ANXA3: variants seen among roughly 807,000 people sequenced by gnomAD.
ANXA3 encodes the protein 35-alpha calcimedin.
ANXA3 carries 46 observed loss-of-function variants against 48.8 expected under a neutral mutation model. The ratio of observed to expected loss-of-function variants is 0.94; its 90% CI spans 0.74 to 1.21. The LOEUF is 1.21. Ranked by LOEUF, ANXA3 falls within the 50% of genes most tolerant of loss-of-function variation. The probability of loss-of-function intolerance (pLI) is 0.00; values close to 1 mark genes in which losing one functional copy is unlikely to be tolerated. For missense variants in ANXA3, 383 were observed against 378.6 expected (o/e 1.01, Z -0.10); for synonymous variants, 128 against 134.7 (o/e 0.95, Z 0.35).
intron 2 of ANXA3, among the ~76,000 whole-genome samples, 198 bp downstream of exon 2, chr4:78,554,686 C>T (rs1420190629): frequency 6.6e-6 from 1 of 152,028 alleles, no homozygotes; most frequent in Non-Finnish European, 1.5e-5. Flanking sequence ...GTTAAAATAA[C>T]TTATGATGAC....
At chr4:78,593,113 C>CCCCA (rs71661180) in intron 7 of ANXA3, among the ~76,000 whole-genome samples, 7 of 143,934 alleles carry the variant, frequency 4.9e-5, no homozygotes, top group Admixed American at 6.9e-5. Context: ...AACACACATA[C>CCCCA]CACACACACA....
At chr4:78,552,928 G>A (rs1047820785) in intron 1 of ANXA3, among the ~76,000 whole-genome samples, 14 of 152,228 alleles carry the variant, frequency 9.2e-5, no homozygotes, top group Admixed American at 8.5e-4. Flanking sequence ...AACCGTAGAG[G>A]AGGAAGTAAA....
chr4:78,554,870 A>G (rs1307494573), intron 2 of ANXA3, among the ~76,000 whole-genome samples: 1 of 152,204 alleles, frequency 6.6e-6, no homozygotes, highest in Non-Finnish European at 1.5e-5. Flanking sequence ...TCCTTACAAT[A>G]AAATAACTTC....
Position 78,556,141 on chromosome 4 carries a change from G to A in ANXA3, c.15+1653G>A, listed in dbSNP as rs79057625. Among the ~76,000 whole-genome samples the A allele has an allele frequency of 4.2e-3, 636 of 152,136 alleles. 6 individuals carry two copies. The highest frequency in any genetic ancestry group is 0.015 in the African/African-American group (605 of 41,516). Reference sequence around the variant, plus strand: ...ACTTGCATAAGGTTGAAAAAATAGGGGCCCAAGTACATTTGTTTGTATTAA... The same window carrying A: ...ACTTGCATAAGGTTGAAAAAATAGGAGCCCAAGTACATTTGTTTGTATTAA... On this transcript the variant is annotated intron_variant, in intron 2 of 12. Transcript: ENST00000264908.
At chr4:78,585,260 A>G (rs1350921492) in intron 5 of ANXA3, among the ~76,000 whole-genome samples, 1 of 152,232 alleles carries the variant, frequency 6.6e-6, no homozygotes, top group East Asian at 1.9e-4. Flanking sequence ...TCTTTTACAT[A>G]AAAGAAATCC....
At chr4:78,579,959 G>T (rs1299825020) in intron 4 of ANXA3, among the ~76,000 whole-genome samples, 1 of 152,152 alleles carries the variant, frequency 6.6e-6, no homozygotes, top group Non-Finnish European at 1.5e-5. Flanking sequence ...GTAAAAGTAA[G>T]ACTTGGTCTT....
intron 2 of ANXA3, among the ~76,000 whole-genome samples, chr4:78,556,774 A>G (rs554214506): frequency 6.6e-6 from 1 of 152,298 alleles, no homozygotes; most frequent in East Asian, 1.9e-4. Context: ...GTTAAAAAAA[A>G]AAGTCGCCCT....
intron 11 of ANXA3, chr4:78,602,656 T>C (rs1723567848): frequency 6.6e-6 from 1 of 152,244 alleles, no homozygotes; most frequent in African/African-American, 2.4e-5. Context: ...CCTAGGGCCT[T>C]GTGCACAGAA....
At chr4:78,561,916 A>G (rs995554376) in intron 2 of ANXA3, among the ~76,000 whole-genome samples, 2 of 152,212 alleles carry the variant, frequency 1.3e-5, no homozygotes, top group African/African-American at 4.8e-5. Flanking sequence ...TTTTGGGACA[A>G]AGCCTGGAAA....
rs80271052 is a variant in ANXA3, at chr4:78,567,950, C to A, written c.16-5230C>A. 3.3e-5 allele frequency among the ~76,000 whole-genome samples: 5 copies of A among 152,220 alleles called. No individual in the cohort carries two copies. The South Asian group carries it at 1.0e-3, about 31-fold the overall frequency. On this transcript the variant is annotated intron_variant, in intron 2 of 12. Transcript: ENST00000264908. ...GTCTCATACTGGCAGCTCGCAGCTG[C>A]GTAACTCCAGTCTCTGCCTTCACCA... is the stretch of plus-strand genomic sequence containing the variant.
chr4:78,607,443 T>C (rs993665600), intron 12 of ANXA3, among the ~76,000 whole-genome samples: 7 of 152,016 alleles, frequency 4.6e-5, no homozygotes, highest in Non-Finnish European at 1.0e-4. Flanking sequence ...GGGTAACCGG[T>C]GGGAAGGAGA....
At chr4:78,553,121 G>A (rs960453039) in intron 1 of ANXA3, among the ~76,000 whole-genome samples, 2 of 152,166 alleles carry the variant, frequency 1.3e-5, no homozygotes, top group African/African-American at 4.8e-5. Flanking sequence ...TCAGGTGTGG[G>A]CCAGGCAGCA....
intron 4 of ANXA3, 134 bp downstream of exon 4, chr4:78,579,255 C>T (rs2109935899): frequency 1.8e-6 from 1 of 559,438 alleles, no homozygotes; most frequent in South Asian, 3.3e-5. Flanking sequence ...AGTCAGGAGC[C>T]TGGAATCTGA....
chr4:78,556,645 A>C (rs1281751135), intron 2 of ANXA3, among the ~76,000 whole-genome samples: 1 of 152,184 alleles, frequency 6.6e-6, no homozygotes, highest in African/African-American at 2.4e-5. Flanking sequence ...TGTTTGGCCC[A>C]AGTTACTCCC....
intron 1 of ANXA3, among the ~76,000 whole-genome samples, chr4:78,552,755 T>A (rs1448192372): frequency 1.3e-5 from 2 of 152,218 alleles, no homozygotes; most frequent in African/African-American, 4.8e-5. Context: ...CATCATTTTT[T>A]AAAATGTAAC....
intron 9 of ANXA3, chr4:78,597,115 T>C (rs1388314725): frequency 2.1e-6 from 1 of 471,738 alleles, no homozygotes; most frequent in Non-Finnish European, 3.7e-6. Flanking sequence ...GAAAATCATC[T>C]AGGGAGTTTG....
At position 78,589,554 on chromosome 4, in the gene ANXA3, G is replaced by A. The variant is rs573227948; in HGVS notation, c.404-1990G>A. Among the ~76,000 whole-genome samples, 7 of 152,232 alleles carry A rather than the reference G, an allele frequency of 4.6e-5. No individual in the cohort carries two copies. The East Asian group carries it at 1.3e-3, about 29-fold the overall frequency. On this transcript the variant is annotated intron_variant, in intron 6 of 12. Coordinates refer to ENST00000264908, the MANE Select transcript of ANXA3 (RefSeq NM_005139.3). The stretch of plus-strand genomic sequence containing the variant: ...GCTCCTCTTCCTTTTTGCTTCTAAT[G>A]TTCTTGACACCAGCAAGTAACATCC...
At chr4:78,561,647 C>T (rs1722630267) in intron 2 of ANXA3, among the ~76,000 whole-genome samples, 1 of 152,062 alleles carries the variant, frequency 6.6e-6, no homozygotes, top group Non-Finnish European at 1.5e-5. Flanking sequence ...CCTCTGGTCT[C>T]CCTCACATCT....
At position 78,593,272 on chromosome 4, in the gene ANXA3, G is replaced by C. The variant is rs563800023; in HGVS notation, c.483+1649G>C. 1.9e-3 allele frequency among the ~76,000 whole-genome samples: 284 copies of C among 151,880 alleles called. 2 individuals are homozygous for C. Among genetic ancestry groups the C allele is most frequent in the African/African-American group, 6.6e-3 (273 of 41,370 alleles). On this transcript the variant is annotated intron_variant, in intron 7 of 12. Coordinates refer to ENST00000264908, the MANE Select transcript of ANXA3 (RefSeq NM_005139.3). ...GACTGGAGTGCTGTGGTGCGATCTCGGCTCACTGCAACCTCTGCCTCCCAG... is the reference window on the plus strand; with the variant it reads ...GACTGGAGTGCTGTGGTGCGATCTCCGCTCACTGCAACCTCTGCCTCCCAG...
Sources: allele counts gnomAD v4.1 joint callset (sites outside exome capture counted in the v4.1 genomes callset), GRCh38; gene constraint gnomAD v4.1.1; transcripts MANE v1.5; gene names NCBI Gene and HGNC (gene_info 2026-07-23, HGNC 2026-07-21).